The following TNKS variants were observed in gnomAD, a reference collection of about 807,000 sequenced individuals.
The protein encoded by TNKS is poly [ADP-ribose] polymerase tankyrase-1.
A neutral mutation model predicts 135.8 loss-of-function variants in TNKS; 72 were observed. The ratio of observed to expected loss-of-function variants is 0.53; its 90% confidence interval spans 0.44 to 0.64. The LOEUF is 0.64. TNKS is among the 30% of genes least tolerant of loss of function. TNKS has a pLI of 0.00. For synonymous variants in TNKS, 849 were observed against 649.3 expected (o/e 1.31, Z -4.68); for missense variants, 1,769 against 1,674.0 (o/e 1.06, Z -0.99).
At chr8:9,761,737 C>A in intron 21 of TNKS, 101 bp downstream of exon 21, 1 of 1,238,068 alleles carries the variant, frequency 8.1e-7, no homozygotes, top group Non-Finnish European at 1.1e-6. Context: ...CAGAACCATA[C>A]ACTGAACTAT....
chr8:9,689,542 T>G (rs1366969797), intron 5 of TNKS, among the ~76,000 whole-genome samples: 1 of 152,224 alleles, frequency 6.6e-6, no homozygotes, highest in Admixed American at 6.5e-5. Context: ...ACCCTACTTT[T>G]GAATATTATA....
chr8:9,643,303 G>A lies in TNKS; in HGVS notation c.994+27626G>A, dbSNP rs182845479. On this transcript the variant is annotated intron_variant, in intron 3 of 26. Transcript: ENST00000310430. Reference sequence around the variant, plus strand: ...AGTTCTAGAAGCTGAGAAGTCCAAGGTTGAGGGACCCGTGTCTGGTTAGGG... The same window carrying A: ...AGTTCTAGAAGCTGAGAAGTCCAAGATTGAGGGACCCGTGTCTGGTTAGGG... Among the ~76,000 whole-genome samples, 2 of 146,012 alleles carry A rather than the reference G, an allele frequency of 1.4e-5. 1 individual carries two copies. The highest frequency in any genetic ancestry group is 4.2e-4 in the East Asian group (2 of 4,750).
intron 17 of TNKS, among the ~76,000 whole-genome samples, chr8:9,743,260 C>A (rs1806062790): frequency 6.6e-6 from 1 of 152,126 alleles, no homozygotes. Flanking sequence ...TTTCTTCTTC[C>A]TAATATTATC....
chr8:9,729,646 A>G (rs184565875), intron 13 of TNKS, among the ~76,000 whole-genome samples: 17 of 152,160 alleles, frequency 1.1e-4, no homozygotes, highest in African/African-American at 3.9e-4. Flanking sequence ...AGGATAACTC[A>G]CTTAACCTTC....
intron 5 of TNKS, among the ~76,000 whole-genome samples, chr8:9,701,219 G>C (rs892740468): frequency 1.4e-4 from 22 of 152,176 alleles, no homozygotes; most frequent in Admixed American, 1.4e-3. Flanking sequence ...TTACAGGCGT[G>C]AGCCACCATG....
intron 3 of TNKS, among the ~76,000 whole-genome samples, chr8:9,655,133 C>G (rs1801304191): frequency 6.6e-6 from 1 of 152,220 alleles, no homozygotes; most frequent in Non-Finnish European, 1.5e-5. Flanking sequence ...GCCCATGGAG[C>G]CTCACTCATT....
intron 3 of TNKS, among the ~76,000 whole-genome samples, chr8:9,655,042 C>T (rs1801298826): frequency 6.6e-6 from 1 of 152,168 alleles, no homozygotes; most frequent in South Asian, 2.1e-4. Flanking sequence ...CGGGTCACTC[C>T]CACCCTAAAA....
At chr8:9,596,099 G>A (rs533634941) in intron 2 of TNKS, among the ~76,000 whole-genome samples, 12 of 152,078 alleles carry the variant, frequency 7.9e-5, no homozygotes, top group Admixed American at 7.9e-4. Context: ...TGACAGAGGG[G>A]ACCCTGTCTC....
intron 3 of TNKS, among the ~76,000 whole-genome samples, chr8:9,665,496 G>A (rs1245522876): frequency 6.6e-6 from 1 of 152,048 alleles, no homozygotes; most frequent in Non-Finnish European, 1.5e-5. Context: ...AATGCCTTTG[G>A]TCCCTTGTCC....
chr8:9,723,154 G>GTTT (rs10688007), intron 12 of TNKS, among the ~76,000 whole-genome samples: 287 of 144,348 alleles, frequency 2.0e-3, no homozygotes, highest in East Asian at 0.015. Flanking sequence ...CCTCCAAAAG[G>GTTT]TTTTTTTTTT....
intron 1 of TNKS, among the ~76,000 whole-genome samples, chr8:9,576,258 C>T (rs998745054): frequency 1.7e-4 from 26 of 152,070 alleles, no homozygotes; most frequent in African/African-American, 5.6e-4. Context: ...GTGTATTAGT[C>T]CATTCTCACA....
chr8:9,710,779 C>A (rs1297490732), intron 11 of TNKS, among the ~76,000 whole-genome samples: 1 of 152,000 alleles, frequency 6.6e-6, no homozygotes, highest in Non-Finnish European at 1.5e-5. Flanking sequence ...GCCTGTAGTC[C>A]CAGCTACCCA....
In TNKS at chr8:9,689,006, G is replaced by T. The variant is rs541145578; in HGVS notation, c.1107+8206G>T. On this transcript the variant is annotated intron_variant, in intron 5 of 26. Transcript: ENST00000310430. Reference sequence around the variant, plus strand: ...CTTATCATGAGGTTCCCACCCTTATGACCTCATCCAAACCATATTACCTCA... The same window carrying T: ...CTTATCATGAGGTTCCCACCCTTATTACCTCATCCAAACCATATTACCTCA... 1.1e-3 allele frequency among the ~76,000 whole-genome samples: 171 copies of T among 152,204 alleles called. 4 individuals are homozygous for T. Among genetic ancestry groups the T allele is most frequent in the Admixed American group, 0.01 (159 of 15,290 alleles).
At chr8:9,708,913 T>C (rs1192094668) in intron 9 of TNKS, among the ~76,000 whole-genome samples, 1 of 152,206 alleles carries the variant, frequency 6.6e-6, no homozygotes, top group East Asian at 1.9e-4. Flanking sequence ...AAGAACTGAT[T>C]ATATTCATGG....
chr8:9,755,264 T>A (rs561346157), intron 20 of TNKS, among the ~76,000 whole-genome samples: 1 of 152,362 alleles, frequency 6.6e-6, no homozygotes, highest in Admixed American at 6.5e-5. Context: ...TCCTAGTCAC[T>A]CCTTCTGACA....
intron 5 of TNKS, among the ~76,000 whole-genome samples, chr8:9,690,615 C>T (rs769437422): frequency 6.6e-6 from 1 of 152,162 alleles, no homozygotes; most frequent in Non-Finnish European, 1.5e-5. Context: ...TAAAAATTAG[C>T]TGGGTGGCAG....
At chr8:9,635,173 G>GAA (rs35383195) in intron 3 of TNKS, among the ~76,000 whole-genome samples, 9 of 129,228 alleles carry the variant, frequency 7.0e-5, no homozygotes, top group African/African-American at 1.4e-4. Context: ...CCGTCTCGGG[G>GAA]AAAAAAAAAA....
chr8:9,660,804 T>C (rs906644399), intron 3 of TNKS, among the ~76,000 whole-genome samples: 2 of 152,176 alleles, frequency 1.3e-5, no homozygotes, highest in African/African-American at 4.8e-5. Context: ...ATTGTCCCTG[T>C]TTGCAGATGA....
chr8:9,710,974 A>G (rs1007390637), intron 11 of TNKS, among the ~76,000 whole-genome samples: 2 of 152,186 alleles, frequency 1.3e-5, no homozygotes, highest in Non-Finnish European at 2.9e-5. Context: ...ATATTTAATA[A>G]TTTTTACTGG....
Sources: gnomAD v4.1 joint callset for allele counts (sites outside exome capture counted in the v4.1 genomes callset) on GRCh38, gnomAD v4.1.1 for gene constraint, MANE v1.5 for transcripts, NCBI Gene and HGNC (gene_info 2026-07-23, HGNC 2026-07-21) for gene names.